Variants in SLC45A4 observed in about 807,000 individuals in gnomAD.
The protein encoded by SLC45A4 is polyamine-transporter SLC45A4.
A neutral mutation model predicts 63.7 loss-of-function variants in SLC45A4; 32 were observed. The ratio of observed to expected loss-of-function variants is 0.50; its 90% CI spans 0.38 to 0.67. SLC45A4 has a LOEUF of 0.67. SLC45A4 is among the 30% of genes least tolerant of loss of function. SLC45A4 has a pLI of 0.00. For missense variants in SLC45A4, 1,027 were observed against 1,157.7 expected, an observed-to-expected ratio of 0.89 and a Z score of 1.64; for synonymous variants, 535 against 510.0, an observed-to-expected ratio of 1.05 and a Z score of -0.66.
rs1825787004 is a variant in SLC45A4 at position 141,211,253 on chromosome 8, C to T, written c.*319G>A. On this transcript the variant is annotated 3_prime_UTR_variant, in exon 9 of 9. Coordinates refer to ENST00000517878, the MANE Select transcript of SLC45A4 (RefSeq NM_001286646.2). Reference sequence around the variant, plus strand: ...AAAGTCAACGTTTCCTTCCCCCTGACGTTGGGAGCGGTCTGGAGGGGCAAC... The same window carrying T: ...AAAGTCAACGTTTCCTTCCCCCTGATGTTGGGAGCGGTCTGGAGGGGCAAC... 1.1e-5 allele frequency: 5 copies of T among 469,054 alleles called. No homozygotes were observed. The highest frequency in any genetic ancestry group is 5.4e-5 in the South Asian group (1 of 18,558). 29.1% of individuals were successfully genotyped at this position (469,054 alleles called of 1,614,324 possible). A position where few individuals can be genotyped will look rare whatever the true frequency, so the allele number is the denominator to read the frequency against.
intron 1 of SLC45A4, among the ~76,000 whole-genome samples, chr8:141,265,631 T>C (rs951726360): frequency 6.6e-6 from 1 of 152,222 alleles, no homozygotes; most frequent in Non-Finnish European, 1.5e-5. Flanking sequence ...GACGTCACAC[T>C]GAACCCATTT....
intron 7 of SLC45A4, among the ~76,000 whole-genome samples, chr8:141,212,968 G>A (rs1825928934): frequency 6.6e-6 from 1 of 152,222 alleles, no homozygotes; most frequent in African/African-American, 2.4e-5. Context: ...ACTGCAGGTG[G>A]CCACGTGCAA....
Position 141,211,338 on chromosome 8 carries a change from C to T in SLC45A4, c.*234G>A. Reference sequence around the variant, plus strand: ...GCGGGGTCACATGGCTGGGCGCAGACACACTCACACGCGCACGCAGGAGCT... The same window carrying T: ...GCGGGGTCACATGGCTGGGCGCAGATACACTCACACGCGCACGCAGGAGCT... On this transcript the variant is annotated 3_prime_UTR_variant, in exon 9 of 9. Transcript: ENST00000517878. 2 of 1,334,404 alleles carry T rather than the reference C, an allele frequency of 1.5e-6. No homozygotes were observed. Among genetic ancestry groups the T allele is most frequent in the Non-Finnish European group, 2.0e-6 (2 of 993,052 alleles). 82.7% of individuals were successfully genotyped at this position (1,334,404 alleles called of 1,614,324 possible). A position where few individuals can be genotyped will look rare whatever the true frequency, so the allele number is the denominator to read the frequency against.
intron 1 of SLC45A4, among the ~76,000 whole-genome samples, chr8:141,284,198 G>A (rs890613626): frequency 2.0e-5 from 3 of 152,200 alleles, no homozygotes; most frequent in Admixed American, 1.3e-4. Flanking sequence ...ACTGTCCACC[G>A]TCAAGTCATG....
intron 1 of SLC45A4, among the ~76,000 whole-genome samples, chr8:141,267,548 A>G (rs966773258): frequency 2.6e-4 from 39 of 152,340 alleles, no homozygotes; most frequent in African/African-American, 8.4e-4. Context: ...TAGGATGCAC[A>G]TGATGTGTTG....
At chr8:141,245,796 G>T (rs1828160914) in intron 2 of SLC45A4, among the ~76,000 whole-genome samples, 1 of 152,184 alleles carries the variant, frequency 6.6e-6, no homozygotes, top group Admixed American at 6.5e-5. Flanking sequence ...CGCAGGCAGT[G>T]TCACCACTAA....
rs1825579638 is a variant in SLC45A4, at chr8:141,207,464, A to G, written c.*4108T>C. ...CGACCTCTCTCTCCTAAAACGTAAC[A>G]TTATGTGTTTAACACACGCTTACCA... is the stretch of plus-strand genomic sequence containing the variant. On this transcript the variant is annotated 3_prime_UTR_variant, in exon 9 of 9. Coordinates refer to ENST00000517878, the MANE Select transcript of SLC45A4 (RefSeq NM_001286646.2). 2 of 152,254 alleles carry G rather than the reference A, an allele frequency of 1.3e-5. No homozygotes were observed. 9.4% of individuals were successfully genotyped at this position (152,254 alleles called of 1,614,324 possible).
chr8:141,243,779 G>A (rs928531771), intron 2 of SLC45A4, among the ~76,000 whole-genome samples: 3 of 151,888 alleles, frequency 2.0e-5, no homozygotes, highest in Non-Finnish European at 4.4e-5. Context: ...TACTCAACAT[G>A]AAGATGAGGA....
chr8:141,212,082 A>G, intron 8 of SLC45A4, 115 bp downstream of exon 8: 1 of 1,413,578 alleles, frequency 7.1e-7, no homozygotes, highest in Non-Finnish European at 9.2e-7. Flanking sequence ...CGGGTCGGCC[A>G]CAGCATCTGC....
At chr8:141,245,420 T>C (rs1309974708) in intron 2 of SLC45A4, among the ~76,000 whole-genome samples, 1 of 152,142 alleles carries the variant, frequency 6.6e-6, no homozygotes, top group East Asian at 1.9e-4. Context: ...TAAAGGAAAG[T>C]GTTAATTCAT....
chr8:141,299,160 GC>G (rs1296097714), intron 1 of SLC45A4, among the ~76,000 whole-genome samples: 1 of 152,218 alleles, frequency 6.6e-6, no homozygotes, highest in Non-Finnish European at 1.5e-5. Context: ...GGAAGCAGAA[GC>G]TCCGAGCACT....
intron 2 of SLC45A4, among the ~76,000 whole-genome samples, chr8:141,239,711 G>C (rs1353903265): frequency 1.3e-5 from 2 of 152,302 alleles, no homozygotes; most frequent in African/African-American, 4.8e-5. Flanking sequence ...ACTAAGCTAT[G>C]GTCAGTTGCA....
In SLC45A4 at chr8:141,229,966, C is replaced by T; in HGVS notation, c.242-8201G>A. ...GGACACTAGATCCCTGCCTGCACTC[C>T]CGAGGCCGTGGTGCTCTGATGACAT... On this transcript the variant is annotated intron_variant, in intron 2 of 8. Coordinates refer to ENST00000517878, the MANE Select transcript of SLC45A4 (RefSeq NM_001286646.2). The surrounding 1 kb of genome is among the most constrained non-coding windows in gnomAD (Gnocchi z 5.0). The T allele has an allele frequency of 2.3e-6, 1 of 433,784 alleles. No homozygotes were observed. The highest frequency in any genetic ancestry group is 1.6e-5 in the South Asian group (1 of 60,868). 26.9% of individuals were successfully genotyped at this position (433,784 alleles called of 1,614,324 possible). A position where few individuals can be genotyped will look rare whatever the true frequency, so the allele number is the denominator to read the frequency against.
At chr8:141,222,670 G>C (rs1408168499) in intron 2 of SLC45A4, among the ~76,000 whole-genome samples, 1 of 152,248 alleles carries the variant, frequency 6.6e-6, no homozygotes, top group Non-Finnish European at 1.5e-5. Flanking sequence ...GCACGGGAAC[G>C]AGCGGCCGCC....
At position 141,252,889 on chromosome 8, in the gene SLC45A4, C is replaced by T. The variant is rs367880199; in HGVS notation, c.241+1100G>A. Among the ~76,000 whole-genome samples, 24 of 151,208 alleles carry T rather than the reference C, an allele frequency of 1.6e-4. 1 individual carries two copies. In the South Asian group the frequency reaches 5.0e-3, roughly 32 times the overall value. On this transcript the variant is annotated intron_variant, in intron 2 of 8. Transcript: ENST00000517878. Reference sequence around the variant, plus strand: ...TGTGAATTTCTGTTTTCATATCCACCTGTGTGTCTGTGAATTTTCGTGTTT... The same window carrying T: ...TGTGAATTTCTGTTTTCATATCCACTTGTGTGTCTGTGAATTTTCGTGTTT...
chr8:141,233,002 G>T (rs760951010), intron 2 of SLC45A4, among the ~76,000 whole-genome samples: 1 of 152,248 alleles, frequency 6.6e-6, no homozygotes, highest in African/African-American at 2.4e-5. Context: ...AGCGCTGAGC[G>T]GCACCTCTGC....
At chr8:141,275,167 G>A (rs548184898) in intron 1 of SLC45A4, among the ~76,000 whole-genome samples, 1 of 152,336 alleles carries the variant, frequency 6.6e-6, no homozygotes, top group East Asian at 1.9e-4. Context: ...CCCATTTTCT[G>A]TGACGAGGAA....
chr8:141,277,004 C>T (rs1003723824), intron 1 of SLC45A4, among the ~76,000 whole-genome samples: 8 of 152,224 alleles, frequency 5.3e-5, no homozygotes, highest in African/African-American at 7.2e-5. Context: ...CACAGGATGT[C>T]GCCTCCAGCA....
intron 1 of SLC45A4, among the ~76,000 whole-genome samples, chr8:141,282,549 C>T (rs1446329009): frequency 2.6e-5 from 4 of 152,276 alleles, no homozygotes; most frequent in Non-Finnish European, 1.5e-5. Context: ...TCAGGGCGCG[C>T]TGCGCTCAGC....
Sources: gnomAD v4.1 joint callset for allele counts (sites outside exome capture counted in the v4.1 genomes callset) on GRCh38, gnomAD v4.1.1 for gene constraint, Gnocchi (gnomAD v3.1) non-coding constraint, MANE v1.5 for transcripts, NCBI Gene and HGNC (gene_info 2026-07-23, HGNC 2026-07-21) for gene names.